Variants in TSHZ2 observed in about 807,000 individuals in gnomAD.
The protein encoded by TSHZ2 is teashirt homolog 2.
TSHZ2 carries 21 observed loss-of-function variants against 74.4 expected under a neutral mutation model. The observed-to-expected ratio is 0.28, with a 90% CI of 0.20 to 0.41. The LOEUF is 0.41. Among genes scored for constraint, TSHZ2 ranks in the 10% least tolerant of loss-of-function variants. The probability of loss-of-function intolerance (pLI) is 1.00; values close to 1 mark genes in which losing one functional copy is unlikely to be tolerated. For synonymous variants in TSHZ2, 540 were observed against 515.3 expected (o/e 1.05, Z -0.65); for missense variants, 1,244 against 1,293.5 (o/e 0.96, Z 0.59).
intron 2 of TSHZ2, among the ~76,000 whole-genome samples, chr20:53,397,509 C>T (rs1390940279): frequency 1.3e-5 from 2 of 152,174 alleles, no homozygotes; most frequent in Admixed American, 6.5e-5. Flanking sequence ...GAAATAGGAA[C>T]ACTTTTACAC....
At chr20:53,270,712 A>G (rs1990815827) in intron 2 of TSHZ2, among the ~76,000 whole-genome samples, 1 of 152,172 alleles carries the variant, frequency 6.6e-6, no homozygotes, top group African/African-American at 2.4e-5. Flanking sequence ...ATCTTTGACC[A>G]AGGCAACTTT....
At chr20:53,104,053 A>G (rs1986291978) in intron 1 of TSHZ2, among the ~76,000 whole-genome samples, 1 of 152,184 alleles carries the variant, frequency 6.6e-6, no homozygotes. Context: ...GGCAATTTGC[A>G]TGGTCTGATG....
At chr20:53,231,039 GC>G (rs570832966) in intron 1 of TSHZ2, among the ~76,000 whole-genome samples, 102 of 152,312 alleles carry the variant, frequency 6.7e-4, no homozygotes, top group Middle Eastern at 3.4e-3. Context: ...CTTTCTGTCT[GC>G]TTTGCTTTCT....
At chr20:53,268,532 C>A (rs573832128) in intron 2 of TSHZ2, among the ~76,000 whole-genome samples, 1 of 152,188 alleles carries the variant, frequency 6.6e-6, no homozygotes, top group Non-Finnish European at 1.5e-5. Flanking sequence ...GGGATGGAAC[C>A]GGTCTTCCTG....
chr20:53,042,659 T>C (rs1397685000), intron 1 of TSHZ2, among the ~76,000 whole-genome samples: 1 of 149,666 alleles, frequency 6.7e-6, no homozygotes, highest in African/African-American at 2.5e-5. Flanking sequence ...AACTGACATT[T>C]ATCCATGCTA....
chr20:53,168,514 A>G (rs1364105495), intron 1 of TSHZ2: 1 of 152,232 alleles, frequency 6.6e-6, no homozygotes, highest in East Asian at 1.9e-4. Flanking sequence ...AAAACTTATG[A>G]TGAATACTGG....
intron 1 of TSHZ2, among the ~76,000 whole-genome samples, chr20:53,117,427 C>T (rs915673216): frequency 6.6e-6 from 1 of 152,168 alleles, no homozygotes; most frequent in Non-Finnish European, 1.5e-5. Context: ...TGGAAATGAA[C>T]AAGAGACAAA....
intron 2 of TSHZ2, among the ~76,000 whole-genome samples, chr20:53,401,856 C>T (rs917276349): frequency 2.8e-5 from 4 of 141,202 alleles, no homozygotes; most frequent in South Asian, 2.3e-4. Context: ...GATCTTGGCT[C>T]ACTGCAAGTT....
chr20:53,321,263 A>G (rs1979249952), intron 2 of TSHZ2, among the ~76,000 whole-genome samples: 1 of 152,040 alleles, frequency 6.6e-6, no homozygotes, highest in South Asian at 2.1e-4. Context: ...GGTCCCTTAT[A>G]TCATTCCTTC....
intron 1 of TSHZ2, chr20:53,208,801 T>C (rs1326671253): frequency 2.6e-5 from 4 of 152,286 alleles, no homozygotes; most frequent in Admixed American, 6.5e-5. Flanking sequence ...TGTGCAGTGC[T>C]ACCACAAAGG....
chr20:53,263,812 A>G (rs1990653374), intron 2 of TSHZ2, among the ~76,000 whole-genome samples: 1 of 152,180 alleles, frequency 6.6e-6, no homozygotes, highest in Non-Finnish European at 1.5e-5. Context: ...CGCATCTCAG[A>G]GGATACTGGG....
chr20:53,131,946 G>A (rs1790716341), intron 1 of TSHZ2, among the ~76,000 whole-genome samples: 1 of 151,870 alleles, frequency 6.6e-6, no homozygotes, highest in African/African-American at 2.4e-5. Flanking sequence ...GAGCGAGCCA[G>A]GTTGAGAAAG....
intron 2 of TSHZ2, among the ~76,000 whole-genome samples, chr20:53,469,725 G>A (rs943145964): frequency 2.2e-5 from 3 of 135,340 alleles, no homozygotes; most frequent in Admixed American, 7.5e-5. Flanking sequence ...AGGGAGGAAG[G>A]GAGGGAGGAA....
chr20:53,065,528 A>G (rs1186529333), intron 1 of TSHZ2, among the ~76,000 whole-genome samples: 1 of 152,224 alleles, frequency 6.6e-6, no homozygotes, highest in African/African-American at 2.4e-5. Flanking sequence ...TTGCAAACCA[A>G]TGTAATCTGC....
At chr20:53,032,046 G>T (rs954466735) in intron 1 of TSHZ2, among the ~76,000 whole-genome samples, 4 of 152,074 alleles carry the variant, frequency 2.6e-5, no homozygotes, top group African/African-American at 9.7e-5. Flanking sequence ...TTTAGTTATG[G>T]GTCTGATGCA....
chr20:53,067,523 TC>T (rs1985029765), intron 1 of TSHZ2, among the ~76,000 whole-genome samples: 1 of 152,178 alleles, frequency 6.6e-6, no homozygotes, highest in Non-Finnish European at 1.5e-5. Flanking sequence ...TGCAGCCAAG[TC>T]CTCATCAGTG....
chr20:53,150,972 A>T (rs1987663793), intron 1 of TSHZ2, among the ~76,000 whole-genome samples: 1 of 152,186 alleles, frequency 6.6e-6, no homozygotes, highest in Non-Finnish European at 1.5e-5. Flanking sequence ...CTATTAGGTA[A>T]TCTAGTTAAT....
intron 2 of TSHZ2, among the ~76,000 whole-genome samples, chr20:53,340,425 C>G (rs1017265128): frequency 6.6e-6 from 1 of 152,076 alleles, no homozygotes; most frequent in African/African-American, 2.4e-5. Context: ...ACCTCGTGAT[C>G]CGCCTGCCTT....
At chr20:52,992,157 T>C (rs1223058540) in intron 1 of TSHZ2, among the ~76,000 whole-genome samples, 1 of 152,200 alleles carries the variant, frequency 6.6e-6, no homozygotes, top group African/African-American at 2.4e-5. Context: ...TTCCTCTCCA[T>C]GCCACATGTT....
Sources: allele counts gnomAD v4.1 joint callset (sites outside exome capture counted in the v4.1 genomes callset), GRCh38; gene constraint gnomAD v4.1.1; transcripts MANE v1.5; gene names NCBI Gene and HGNC (gene_info 2026-07-23, HGNC 2026-07-21).